The following CMSS1 variants were observed in gnomAD, a reference collection of about 807,000 sequenced individuals.
CMSS1 encodes the protein protein CMSS1.
In CMSS1, 33 loss-of-function variants were observed where a neutral mutation model predicts 43.5. The observed-to-expected ratio is 0.76, with a 90% CI of 0.57 to 1.01. CMSS1 has a LOEUF of 1.01. Ranked by LOEUF, CMSS1 falls within the 50% of genes least tolerant of loss-of-function variation. The pLI is 0.00. For missense variants in CMSS1, 313 were observed against 326.4 expected, an observed-to-expected ratio of 0.96 and a Z score of 0.32; for synonymous variants, 115 against 117.2, an observed-to-expected ratio of 0.98 and a Z score of 0.12.
In CMSS1 at chr3:100,172,354, G is replaced by A; in HGVS notation, c.618G>A (p.Val206=). 1 of 1,613,900 alleles carries A rather than the reference G, an allele frequency of 6.2e-7. No homozygotes were observed. Among genetic ancestry groups the A allele is most frequent in the Non-Finnish European group, 8.5e-7 (1 of 1,179,880 alleles). ...TAAAGTTGCTGGAGAAGCGTGTGGT[G>A]CACCTGGGTGTAGGAACTCCGGGGA... ...AQVKLLEKRV[V]HLGVGTPGRI... is the part of the protein sequence containing the mutation. The change falls in exon 8 of 10, where the codon GTG becomes GTA. Residue 206 remains valine (V), a synonymous_variant. Coordinates refer to ENST00000421999, the MANE Select transcript of CMSS1 (RefSeq NM_032359.4).
chr3:99,923,026 T>C (rs1249479662), intron 1 of CMSS1, among the ~76,000 whole-genome samples: 1 of 152,210 alleles, frequency 6.6e-6, no homozygotes, highest in Non-Finnish European at 1.5e-5. Flanking sequence ...GTTCACTCTC[T>C]TTTTAAAGTC....
intron 1 of CMSS1, among the ~76,000 whole-genome samples, chr3:99,896,754 T>C (rs1330115528): frequency 6.6e-6 from 1 of 152,214 alleles, no homozygotes; most frequent in Non-Finnish European, 1.5e-5. Context: ...TGAGATTCTA[T>C]AAGGTTCCAG....
At chr3:100,028,881 C>T (rs562801781) in intron 1 of CMSS1, among the ~76,000 whole-genome samples, 83 of 152,276 alleles carry the variant, frequency 5.5e-4, no homozygotes, top group Non-Finnish European at 1.1e-3. Context: ...CACCTTTTTA[C>T]TGAGGTGTGT....
At chr3:99,972,414 T>TG (rs1708849451) in intron 1 of CMSS1, among the ~76,000 whole-genome samples, 1 of 152,230 alleles carries the variant, frequency 6.6e-6, no homozygotes, top group Admixed American at 6.5e-5. Context: ...GCCTCTGTCT[T>TG]GCAGCAGCAT....
At chr3:99,957,857 A>C (rs145820565) in intron 1 of CMSS1, among the ~76,000 whole-genome samples, 2 of 150,570 alleles carry the variant, frequency 1.3e-5, no homozygotes, top group Non-Finnish European at 3.0e-5. Context: ...TGTTCTTAAT[A>C]TAGGCCTAAT....
chr3:99,939,057 G>A (rs2107674067), intron 1 of CMSS1, among the ~76,000 whole-genome samples: 1 of 152,266 alleles, frequency 6.6e-6, no homozygotes. Flanking sequence ...CAAGTCTTTA[G>A]ACAAGGGATT....
intron 1 of CMSS1, among the ~76,000 whole-genome samples, chr3:100,037,778 T>A (rs539240956): frequency 2.6e-5 from 4 of 152,264 alleles, no homozygotes; most frequent in African/African-American, 9.6e-5. Flanking sequence ...GTTTAAATGT[T>A]TTTGAGGAAA....
At chr3:100,177,009 C>T (rs961241134) in intron 9 of CMSS1, among the ~76,000 whole-genome samples, 2 of 152,118 alleles carry the variant, frequency 1.3e-5, no homozygotes, top group Admixed American at 1.3e-4. Context: ...ATTACTTTGC[C>T]ACCTACCACG....
chr3:99,982,019 T>C (rs957292831), intron 1 of CMSS1, among the ~76,000 whole-genome samples: 22 of 151,914 alleles, frequency 1.4e-4, no homozygotes, highest in African/African-American at 5.3e-4. Flanking sequence ...TTTATTTTTC[T>C]GATAAACATA....
intron 1 of CMSS1, among the ~76,000 whole-genome samples, chr3:100,071,090 CTTTT>C (rs61563009): frequency 5.1e-4 from 36 of 70,584 alleles, no homozygotes; most frequent in Non-Finnish European, 7.5e-4. Flanking sequence ...GCTACTCTCT[CTTTT>C]TTTTTTTTTT....
intron 8 of CMSS1, among the ~76,000 whole-genome samples, chr3:100,172,611 T>C (rs1056499225): frequency 1.3e-5 from 2 of 152,236 alleles, no homozygotes; most frequent in African/African-American, 4.8e-5. Flanking sequence ...GAAGTACGTG[T>C]GCCCACCTAA....
At chr3:99,826,576 A>C (rs536754626) in intron 1 of CMSS1, among the ~76,000 whole-genome samples, 1 of 152,320 alleles carries the variant, frequency 6.6e-6, no homozygotes, top group African/African-American at 2.4e-5. Context: ...TTGGCCTGTG[A>C]ACCGCAGTTT....
chr3:100,140,730 C>T (rs906179526), intron 1 of CMSS1, among the ~76,000 whole-genome samples: 1 of 151,674 alleles, frequency 6.6e-6, no homozygotes, highest in East Asian at 1.9e-4. Flanking sequence ...TTTTCTGAGG[C>T]CTGAGCTTAT....
chr3:100,099,592 G>A (rs1479139639), intron 1 of CMSS1, among the ~76,000 whole-genome samples: 4 of 152,022 alleles, frequency 2.6e-5, no homozygotes, highest in African/African-American at 4.8e-5. Flanking sequence ...GTTTACACAG[G>A]GGAATTACAA....
intron 1 of CMSS1, among the ~76,000 whole-genome samples, chr3:99,861,856 A>T (rs1027955519): frequency 1.3e-5 from 2 of 152,086 alleles, no homozygotes; most frequent in African/African-American, 2.4e-5. Flanking sequence ...CGGCTTTCCA[A>T]CTTCTGTCTA....
chr3:100,083,737 C>CTTTG (rs760641222), intron 1 of CMSS1, among the ~76,000 whole-genome samples: 19 of 151,996 alleles, frequency 1.3e-4, no homozygotes, highest in African/African-American at 2.2e-4. Context: ...ATCACCATTT[C>CTTTG]TTTGTTTGTT....
At position 100,000,021 on chromosome 3, in the gene CMSS1, C is replaced by G. The variant is rs539938173; in HGVS notation, c.65-146952C>G. On this transcript the variant is annotated intron_variant, in intron 1 of 9. Coordinates refer to ENST00000421999, the MANE Select transcript of CMSS1 (RefSeq NM_032359.4). ...AGAAAAGAAATACCAGACTCCACCT[C>G]CAGAGTCTTATTTGCCTGTAATGGG... Among the ~76,000 whole-genome samples the G allele has an allele frequency of 2.0e-5, 3 of 152,308 alleles. No homozygotes were observed. In the East Asian group the frequency reaches 5.8e-4, roughly 29 times the overall value.
At chr3:100,005,904 C>CTCTTT (rs1440731761) in intron 1 of CMSS1, among the ~76,000 whole-genome samples, 1 of 152,192 alleles carries the variant, frequency 6.6e-6, no homozygotes, top group African/African-American at 2.4e-5. Flanking sequence ...TACCCACCAT[C>CTCTTT]TCTTTGCCAC....
intron 1 of CMSS1, among the ~76,000 whole-genome samples, chr3:100,092,826 T>C (rs2066136595): frequency 1.3e-5 from 2 of 151,762 alleles, no homozygotes; most frequent in African/African-American, 2.4e-5. Flanking sequence ...CTATTACCTC[T>C]GTATTGGGAT....
Sources: gnomAD v4.1 joint callset for allele counts (sites outside exome capture counted in the v4.1 genomes callset) on GRCh38, gnomAD v4.1.1 for gene constraint, MANE v1.5 for transcripts, NCBI Gene and HGNC (gene_info 2026-07-23, HGNC 2026-07-21) for gene names.